HELB: variants seen among roughly 807,000 people sequenced by gnomAD.
The protein encoded by HELB is DNA 5'-3' helicase B.
HELB carries 96 observed loss-of-function variants against 101.7 expected under a neutral mutation model. That is an observed-to-expected ratio of 0.94 (90% CI 0.80 to 1.12). The LOEUF (loss-of-function observed/expected upper bound fraction) is 1.12. Ranked by LOEUF, HELB falls within the 50% of genes most tolerant of loss-of-function variation. The pLI is 0.00. For missense variants in HELB, 1,210 were observed against 1,291.9 expected (o/e 0.94, Z 0.97); for synonymous variants, 437 against 459.7 (o/e 0.95, Z 0.63).
chr12:66,305,257 G>C lies in HELB; in HGVS notation c.607+107G>C. The stretch of plus-strand genomic sequence containing the variant: ...AGTATTCTTTTTAAAAATCCATTTG[G>C]TGAAAAATGTGTTTATGTTGCTTTT... On this transcript the variant is annotated intron_variant, in intron 2 of 12. Coordinates refer to ENST00000247815, the MANE Select transcript of HELB (RefSeq NM_001370285.1). 4.1e-6 allele frequency: 3 copies of C among 732,938 alleles called. No individual in the cohort carries two copies. In the South Asian group the frequency reaches 5.9e-5, roughly 15 times the overall value. The allele number at this position is 732,938 out of a possible 1,614,324, so 45.4% of individuals were successfully genotyped here. A position where few individuals can be genotyped will look rare whatever the true frequency, so the allele number is the denominator to read the frequency against.
chr12:66,317,814 C>G (rs896449937), intron 6 of HELB, among the ~76,000 whole-genome samples: 1 of 152,174 alleles, frequency 6.6e-6, no homozygotes, highest in Non-Finnish European at 1.5e-5. Flanking sequence ...TCTGGGCTAT[C>G]GCCAGCAAGA....
chr12:66,310,381 G>A lies in HELB; in HGVS notation c.1453G>A (p.Val485Ile), dbSNP rs766053942. The A allele has an allele frequency of 2.6e-5, 42 of 1,614,084 alleles. No homozygotes were observed. Among genetic ancestry groups the A allele is most frequent in the African/African-American group, 5.3e-5 (4 of 74,926 alleles). Residue 485 changes from valine to isoleucine, a missense_variant, in exon 4 of 13, where the codon GTT becomes ATT. Val to Ile is a conservative substitution (Grantham distance 29). Coordinates refer to ENST00000247815, the MANE Select transcript of HELB (RefSeq NM_001370285.1). ...GKGGCGKTTIVSRLFKHIEQL... is the reference protein window; with the variant it reads ...GKGGCGKTTIISRLFKHIEQL... Reference sequence around the variant, plus strand: ...AGGTGGATGTGGGAAGACCACAATCGTTAGCCGTCTTTTTAAGCATATAGA... The same window carrying A: ...AGGTGGATGTGGGAAGACCACAATCATTAGCCGTCTTTTTAAGCATATAGA...
chr12:66,340,135 A>G (rs1260251653), downstream of HELB: 2 of 152,194 alleles, frequency 1.3e-5, no homozygotes, highest in Non-Finnish European at 2.9e-5. Flanking sequence ...GTATATAACT[A>G]GGAGTAGAAT....
At chr12:66,340,609 T>TGGG (rs71096095), downstream of HELB, 5 of 129,464 alleles carry the variant, frequency 3.9e-5, no homozygotes, top group East Asian at 2.6e-4. Context: ...TATATATATG[T>TGGG]GGGGGGGGGG....
At chr12:66,313,492 A>G (rs1467360319) in intron 4 of HELB, among the ~76,000 whole-genome samples, 1 of 152,178 alleles carries the variant, frequency 6.6e-6, no homozygotes, top group Non-Finnish European at 1.5e-5. Context: ...AATAAATAGT[A>G]TTACATTTGT....
At position 66,331,452 on chromosome 12, in the gene HELB, C is replaced by G; in HGVS notation, c.2969C>G (p.Thr990Arg). The change falls in exon 12 of 13, where the codon ACA becomes AGA. Residue 990 changes from threonine to arginine, a missense_variant. This residue lies in a region of HELB where 740 missense variants were observed against 728.8 expected (regional missense o/e 1.02). Coordinates refer to ENST00000247815, the MANE Select transcript of HELB (RefSeq NM_001370285.1). ...TCAGCATCTCCACTCCCTGTAGTCA[C>G]AGACCACGCCATGACAAATGATGTC... ...TPSASPLPVV[T>R]DHAMTNDVTW... 1 of 1,614,206 alleles carries G rather than the reference C, an allele frequency of 6.2e-7. No homozygotes were observed. Among genetic ancestry groups the G allele is most frequent in the Non-Finnish European group, 8.5e-7 (1 of 1,180,032 alleles).
chr12:66,316,183 C>T (rs111622992), intron 6 of HELB, among the ~76,000 whole-genome samples: 4,723 of 152,162 alleles, frequency 0.031, 268 homozygotes, highest in African/African-American at 0.11. Flanking sequence ...GAGCAATAGG[C>T]TGTACTATAT....
chr12:66,308,731 T>A (rs2053506916), intron 3 of HELB, among the ~76,000 whole-genome samples: 1 of 152,140 alleles, frequency 6.6e-6, no homozygotes, highest in South Asian at 2.1e-4. Context: ...AGAATACCAG[T>A]CATATTAGAG....
chr12:66,315,183 A>G, intron 5 of HELB, 59 bp from the exon 6 acceptor site: 1 of 1,271,280 alleles, frequency 7.9e-7, no homozygotes, highest in Non-Finnish European at 1.1e-6. Flanking sequence ...AATTTTAAAC[A>G]ATCTTGGGGG....
intron 11 of HELB, among the ~76,000 whole-genome samples, chr12:66,329,893 T>C (rs1321990749): frequency 6.6e-6 from 1 of 152,200 alleles, no homozygotes; most frequent in Non-Finnish European, 1.5e-5. Context: ...TCTGTGGAAA[T>C]GTATGTAATC....
At chr12:66,325,868 C>A (rs1001050599) in intron 11 of HELB, among the ~76,000 whole-genome samples, 1 of 152,040 alleles carries the variant, frequency 6.6e-6, no homozygotes, top group Non-Finnish European at 1.5e-5. Context: ...TTTATCCCCC[C>A]GCCCCCAACT....
downstream of HELB, chr12:66,338,944 T>C (rs868756199): frequency 6.6e-6 from 1 of 152,250 alleles, no homozygotes; most frequent in Non-Finnish European, 1.5e-5. Flanking sequence ...GCACATTGTT[T>C]TGAATATGTT....
intron 11 of HELB, among the ~76,000 whole-genome samples, chr12:66,326,197 C>T (rs1730963667): frequency 6.6e-6 from 1 of 151,618 alleles, no homozygotes; most frequent in Non-Finnish European, 1.5e-5. Flanking sequence ...TTGTTTTGAG[C>T]TTCCTTCTCT....
Position 66,306,473 on chromosome 12 carries a change from G to A in HELB, c.736G>A (p.Glu246Lys). The change falls in exon 3 of 13, where the codon GAG becomes AAG. Residue 246 changes from glutamate (E) to lysine (K), a missense_variant. By Grantham distance (56) the Glu-to-Lys change is moderately conservative. Coordinates refer to ENST00000247815, the MANE Select transcript of HELB (RefSeq NM_001370285.1). ...GSKEMLKEIE[E>K]ILGTHPWKLG... ...TAAAGAGATGTTGAAAGAGATAGAAGAGATTTTAGGTACACATCCGTGGAA... is the reference window on the plus strand; with the variant it reads ...TAAAGAGATGTTGAAAGAGATAGAAAAGATTTTAGGTACACATCCGTGGAA... The A allele has an allele frequency of 6.2e-7, 1 of 1,602,740 alleles. No homozygotes were observed. The highest frequency in any genetic ancestry group is 1.1e-5 in the South Asian group (1 of 88,776).
chr12:66,305,184 A>G, intron 2 of HELB, 34 bp downstream of exon 2: 1 of 1,235,902 alleles, frequency 8.1e-7, no homozygotes, highest in South Asian at 1.4e-5. Context: ...CTTTCAGTGT[A>G]ATTGACATAC....
chr12:66,311,686 G>C (rs1020679166), intron 4 of HELB, among the ~76,000 whole-genome samples: 2 of 152,094 alleles, frequency 1.3e-5, no homozygotes, highest in African/African-American at 4.8e-5. Flanking sequence ...CTTCCACCTA[G>C]AACAGTGCCA....
rs997261815 is a variant in HELB, at chr12:66,327,664, ATACT to A, written c.2670+2543_2670+2546del. ...TTCCAAGTTCAATTCCGTTCAACAAATACTTACTGAGTGAGACTCTGTTCTTGGT... is the reference window on the plus strand; with the variant it reads ...TTCCAAGTTCAATTCCGTTCAACAAATACTGAGTGAGACTCTGTTCTTGGT... On this transcript the variant is annotated intron_variant, in intron 11 of 12. Coordinates refer to ENST00000247815, the MANE Select transcript of HELB (RefSeq NM_001370285.1). 4.6e-5 allele frequency among the ~76,000 whole-genome samples: 7 copies of A among 152,322 alleles called. No individual in the cohort carries two copies. In the South Asian group the frequency reaches 8.3e-4, roughly 18 times the overall value.
intron 4 of HELB, among the ~76,000 whole-genome samples, chr12:66,313,249 C>T (rs1347171437): frequency 6.6e-6 from 1 of 151,948 alleles, no homozygotes; most frequent in Non-Finnish European, 1.5e-5. Context: ...AAAATCTGTA[C>T]ATAACACAGA....
intron 11 of HELB, among the ~76,000 whole-genome samples, chr12:66,329,108 G>A (rs2053776320): frequency 6.6e-6 from 1 of 152,176 alleles, no homozygotes; most frequent in South Asian, 2.1e-4. Context: ...TCCTTAAGCA[G>A]TTTGACAGTT....
Sources: gnomAD v4.1 joint callset for allele counts (sites outside exome capture counted in the v4.1 genomes callset) on GRCh38, gnomAD v4.1.1 for gene constraint, gnomAD v4.1.1 regional missense constraint, MANE v1.5 for transcripts, NCBI Gene and HGNC (gene_info 2026-07-23, HGNC 2026-07-21) for gene names.